EDAR: variants seen among roughly 807,000 people sequenced by gnomAD.
EDAR encodes the protein tumor necrosis factor receptor superfamily member EDAR.
A neutral mutation model predicts 51.3 loss-of-function variants in EDAR; 38 were observed. That is an observed-to-expected ratio of 0.74 (90% CI 0.57 to 0.97). The LOEUF is 0.97. Ranked by LOEUF, EDAR falls within the 50% of genes least tolerant of loss-of-function variation. The pLI is 0.00. For missense variants in EDAR, 528 were observed against 595.0 expected (o/e 0.89, Z 1.17); for synonymous variants, 227 against 242.1 (o/e 0.94, Z 0.58).
At chr2:108,921,099 A>ACCC (rs1697129451) in intron 5 of EDAR, among the ~76,000 whole-genome samples, 1 of 151,842 alleles carries the variant, frequency 6.6e-6, no homozygotes, top group Non-Finnish European at 1.5e-5. Context: ...CCTGCGAATC[A>ACCC]CCCCCCTGAA....
At chr2:108,970,466 C>T (rs1698215226) in intron 1 of EDAR, among the ~76,000 whole-genome samples, 1 of 152,120 alleles carries the variant, frequency 6.6e-6, no homozygotes, top group African/African-American at 2.4e-5. Flanking sequence ...CTTGGTTATA[C>T]TGAGACACAA....
At chr2:108,924,985 G>C (rs1415773679) in intron 4 of EDAR, among the ~76,000 whole-genome samples, 4 of 152,222 alleles carry the variant, frequency 2.6e-5, no homozygotes, top group African/African-American at 9.6e-5. Context: ...GTGGCCACCT[G>C]CTCCCCATCT....
At chr2:108,963,151 C>G (rs1353367535) in intron 1 of EDAR, among the ~76,000 whole-genome samples, 2 of 152,214 alleles carry the variant, frequency 1.3e-5, no homozygotes, top group Non-Finnish European at 2.9e-5. Context: ...TGACTGTGTG[C>G]ACGAGTCCAA....
chr2:108,907,227 A>G (rs1411900089), intron 10 of EDAR, among the ~76,000 whole-genome samples: 1 of 152,114 alleles, frequency 6.6e-6, no homozygotes, highest in Non-Finnish European at 1.5e-5. Context: ...TGTCTAGAAA[A>G]TTGTCTGGTT....
intron 1 of EDAR, among the ~76,000 whole-genome samples, chr2:108,942,524 G>C (rs1365466983): frequency 1.3e-5 from 2 of 152,242 alleles, no homozygotes; most frequent in Non-Finnish European, 2.9e-5. Context: ...GAACCACGGC[G>C]ACGGCAGGGG....
At chr2:108,929,112 C>T in intron 4 of EDAR, 86 bp downstream of exon 4, 1 of 1,498,330 alleles carries the variant, frequency 6.7e-7, no homozygotes, top group Non-Finnish European at 9.2e-7. Context: ...GTATCCATGA[C>T]CCCTGTTCCC....
chr2:108,928,045 C>A (rs540336465), intron 4 of EDAR, among the ~76,000 whole-genome samples: 1 of 152,140 alleles, frequency 6.6e-6, no homozygotes, highest in Non-Finnish European at 1.5e-5. Flanking sequence ...CAGCAGTCTG[C>A]GTGTTGACCT....
rs763663557 is a variant in EDAR at position 108,930,961 on chromosome 2, T to C, written c.51+3A>G. On this transcript the variant is annotated splice_donor_region_variant and intron_variant, in intron 2 of 11. Transcript: ENST00000258443. Reference sequence around the variant, plus strand: ...GTGGGGGTAAGGGGCTCAGACCACTTACCACCAGGACGGGGAGCCAGGGCG... The same window carrying C: ...GTGGGGGTAAGGGGCTCAGACCACTCACCACCAGGACGGGGAGCCAGGGCG... 8.1e-6 allele frequency: 13 copies of C among 1,613,686 alleles called. No individual in the cohort carries two copies. Among genetic ancestry groups the C allele is most frequent in the Non-Finnish European group, 1.0e-5 (12 of 1,179,996 alleles).
chr2:108,973,401 G>A (rs1176399695), intron 1 of EDAR, among the ~76,000 whole-genome samples: 1 of 152,206 alleles, frequency 6.6e-6, no homozygotes, highest in African/African-American at 2.4e-5. Flanking sequence ...TCCGCCATCA[G>A]CCCCTGAGAC....
chr2:108,964,505 T>G (rs1407292667), intron 1 of EDAR, among the ~76,000 whole-genome samples: 2 of 152,168 alleles, frequency 1.3e-5, no homozygotes, highest in Non-Finnish European at 2.9e-5. Flanking sequence ...AATCAGGTAC[T>G]TTGGGGGAAA....
intron 1 of EDAR, among the ~76,000 whole-genome samples, chr2:108,960,523 G>A (rs1160947393): frequency 1.3e-5 from 2 of 152,198 alleles, no homozygotes; most frequent in East Asian, 3.9e-4. Context: ...GTGCACACCT[G>A]TCTCTGCTGC....
Position 108,913,565 on chromosome 2 carries a change from C to G in EDAR, c.443-801G>C, listed in dbSNP as rs532559729. On this transcript the variant is annotated intron_variant, in intron 5 of 11. Transcript: ENST00000258443. ...TGGTGGCTCACGCCTGTAATCCCAG[C>G]ACTTTGGGATTGTTGTTCAGCATCA... 9.2e-5 allele frequency among the ~76,000 whole-genome samples: 14 copies of G among 152,266 alleles called. 1 individual carries two copies. In the East Asian group the frequency reaches 2.7e-3, roughly 29 times the overall value.
chr2:108,921,983 T>A (rs971730876), intron 5 of EDAR, among the ~76,000 whole-genome samples: 5 of 152,008 alleles, frequency 3.3e-5, no homozygotes, highest in Non-Finnish European at 7.4e-5. Context: ...GGGAGTGGGG[T>A]GCGCTCATCT....
At chr2:108,931,872 T>C (rs1302477666) in intron 1 of EDAR, among the ~76,000 whole-genome samples, 3 of 152,118 alleles carry the variant, frequency 2.0e-5, no homozygotes, top group African/African-American at 7.2e-5. Flanking sequence ...AATTCCCCAG[T>C]GGCTGCACTC....
At chr2:108,909,303 T>C (rs937871087) in intron 9 of EDAR, among the ~76,000 whole-genome samples, 7 of 152,052 alleles carry the variant, frequency 4.6e-5, no homozygotes, top group Non-Finnish European at 7.4e-5. Context: ...GAGGAGCAAA[T>C]TCAGTCTCTA....
intron 1 of EDAR, among the ~76,000 whole-genome samples, chr2:108,968,861 T>C (rs1698191683): frequency 6.6e-6 from 1 of 152,210 alleles, no homozygotes; most frequent in Non-Finnish European, 1.5e-5. Context: ...TATGCACTAT[T>C]TGGCCAAAGC....
chr2:108,941,561 C>T (rs1697596541), intron 1 of EDAR, among the ~76,000 whole-genome samples: 1 of 152,168 alleles, frequency 6.6e-6, no homozygotes, highest in Non-Finnish European at 1.5e-5. Context: ...TCTGAGGGTC[C>T]TCTGCACCAG....
rs373755239 is a variant in EDAR, at chr2:108,956,377, G to A, written c.-18-25345C>T. ...TAAAACTTGGAGATGACTTTGGTTT[G>A]GTTTCAGGTAGGAACTCCATTTGGT... On this transcript the variant is annotated intron_variant, in intron 1 of 11. Coordinates refer to ENST00000258443, the MANE Select transcript of EDAR (RefSeq NM_022336.4). Among the ~76,000 whole-genome samples, 15 of 152,314 alleles carry A rather than the reference G, an allele frequency of 9.8e-5. No individual in the cohort carries two copies. The South Asian group carries it at 3.1e-3, about 32-fold the overall frequency.
chr2:108,967,310 A>C (rs1698164923), intron 1 of EDAR, among the ~76,000 whole-genome samples: 1 of 152,188 alleles, frequency 6.6e-6, no homozygotes, highest in Admixed American at 6.5e-5. Flanking sequence ...ACAGGAAAAA[A>C]ACATGAAGAA....
Sources: allele counts gnomAD v4.1 joint callset (sites outside exome capture counted in the v4.1 genomes callset), GRCh38; gene constraint gnomAD v4.1.1; transcripts MANE v1.5; gene names NCBI Gene and HGNC (gene_info 2026-07-23, HGNC 2026-07-21).